DIPK2B: variants seen among roughly 807,000 people sequenced by gnomAD.
DIPK2B encodes the protein divergent protein kinase domain 2B.
A neutral mutation model predicts 22.2 loss-of-function variants in DIPK2B; 15 were observed. The observed-to-expected ratio is 0.68, with a 90% CI of 0.45 to 1.04. The LOEUF (loss-of-function observed/expected upper bound fraction) is 1.04. Among genes scored for constraint, DIPK2B ranks in the 50% least tolerant of loss-of-function variants. The probability of loss-of-function intolerance (pLI) is 0.00; values close to 1 mark genes in which losing one functional copy is unlikely to be tolerated. For missense variants in DIPK2B, 345 were observed against 348.3 expected (o/e 0.99, Z 0.08); for synonymous variants, 163 against 153.2 (o/e 1.06, Z -0.47).
At chrX:45,161,324 T>C (rs1342918751) in intron 2 of DIPK2B, among the ~76,000 whole-genome samples, 1 of 112,431 alleles carries the variant, frequency 8.9e-6, no homozygotes, top group Admixed American at 9.4e-5. Flanking sequence ...GGCAGATCCC[T>C]TGAGTACAGG....
intron 4 of DIPK2B, 66 bp from the exon 5 acceptor site, chrX:45,152,058 A>C (rs1247608728): frequency 1.6e-5 from 16 of 1,023,842 alleles, no homozygotes; most frequent in Non-Finnish European, 2.0e-5. Context: ...GGCACCACTA[A>C]TTAGAATTCC....
At position 45,187,227 on chromosome X, in the gene DIPK2B, C is replaced by G. The variant is rs899904814; in HGVS notation, c.498+4524G>C. Among the ~76,000 whole-genome samples the G allele has an allele frequency of 2.7e-5, 3 of 111,765 alleles. No individual in the cohort carries two copies. In the Admixed American group the frequency reaches 2.8e-4, roughly 11 times the overall value. ...AGGATATGTGTTTTCCCCTGATTAG[C>G]CTCCAGCTGCCTAGGGTGGTTGCCT... On this transcript the variant is annotated intron_variant, in intron 2 of 4. Coordinates refer to ENST00000398000, the MANE Select transcript of DIPK2B (RefSeq NM_176819.4).
At chrX:45,200,147 A>G (rs1373603394) in intron 1 of DIPK2B, among the ~76,000 whole-genome samples, 1 of 111,865 alleles carries the variant, frequency 8.9e-6, no homozygotes, top group Non-Finnish European at 1.9e-5. Context: ...CCATCATCTC[A>G]CAGAGTTACC....
chrX:45,168,446 G>T (rs1013331993), intron 2 of DIPK2B, among the ~76,000 whole-genome samples: 1 of 112,520 alleles, frequency 8.9e-6, no homozygotes, highest in Non-Finnish European at 1.9e-5. Context: ...GATATGAAAT[G>T]TTTTCCTTGC....
chrX:45,174,860 A>T (rs1001181733), intron 2 of DIPK2B, among the ~76,000 whole-genome samples: 1 of 111,671 alleles, frequency 9.0e-6, no homozygotes, highest in African/African-American at 3.3e-5. Flanking sequence ...ATCTCTTTGG[A>T]GGGAGTTAAA....
intron 2 of DIPK2B, chrX:45,162,440 T>C: frequency 1.3e-6 from 1 of 753,806 alleles, no homozygotes. Context: ...TACTAACCCC[T>C]CCCTTTATGA....
chrX:45,167,671 G>A (rs745676941), intron 2 of DIPK2B, among the ~76,000 whole-genome samples: 6 of 110,105 alleles, frequency 5.4e-5, no homozygotes, highest in South Asian at 7.8e-4. Context: ...GTGTCTGGCC[G>A]CCAGAGTGAT....
At chrX:45,192,668 G>A (rs142119537) in intron 1 of DIPK2B, among the ~76,000 whole-genome samples, 1,934 of 112,047 alleles carry the variant, frequency 0.017, 43 homozygotes, top group African/African-American at 0.06. Context: ...TCAGGCAAGA[G>A]TGACTACTAA....
chrX:45,180,546 A>G (rs1439082076), intron 2 of DIPK2B, among the ~76,000 whole-genome samples: 1 of 112,503 alleles, frequency 8.9e-6, no homozygotes, highest in Non-Finnish European at 1.9e-5. Flanking sequence ...AAAAAAGAAA[A>G]CTACAATTAT....
intron 2 of DIPK2B, among the ~76,000 whole-genome samples, chrX:45,174,159 G>A (rs755674809): frequency 4.5e-5 from 5 of 111,537 alleles, no homozygotes; most frequent in Non-Finnish European, 7.5e-5. Flanking sequence ...GGTCCTTCGG[G>A]ACCATTGCAG....
chrX:45,186,199 A>T (rs1304653412), intron 2 of DIPK2B, among the ~76,000 whole-genome samples: 1 of 111,997 alleles, frequency 8.9e-6, no homozygotes, highest in East Asian at 2.8e-4. Flanking sequence ...AACTCTGAAC[A>T]TTTCCAATTC....
intron 2 of DIPK2B, among the ~76,000 whole-genome samples, chrX:45,186,734 T>C (rs1326684473): frequency 8.9e-6 from 1 of 112,207 alleles, no homozygotes; most frequent in Non-Finnish European, 1.9e-5. Flanking sequence ...TAAAACACTT[T>C]ATCACAGGGT....
At chrX:45,185,177 C>T (rs2047175549) in intron 2 of DIPK2B, among the ~76,000 whole-genome samples, 2 of 111,679 alleles carry the variant, frequency 1.8e-5, no homozygotes, top group Non-Finnish European at 3.8e-5. Flanking sequence ...TAGATAAATA[C>T]TATATATTAT....
At chrX:45,162,045 C>T (rs1316027750) in intron 2 of DIPK2B, among the ~76,000 whole-genome samples, 5 of 111,229 alleles carry the variant, frequency 4.5e-5, no homozygotes, top group Non-Finnish European at 9.4e-5. Flanking sequence ...TGGATGCTTG[C>T]TTTTGTACCT....
At chrX:45,179,590 A>T (rs2148344740) in intron 2 of DIPK2B, among the ~76,000 whole-genome samples, 1 of 111,969 alleles carries the variant, frequency 8.9e-6, no homozygotes, top group African/African-American at 3.2e-5. Flanking sequence ...TTAAATAGAC[A>T]TTCTAGAAAT....
rs1569544043 is a variant in DIPK2B, at chrX:45,150,416, A to C, written c.*1236T>G. ...TATGTTCTATTGGTTGACCTTGAAA[A>C]AAGTATTTTTCTGATGAGTGACCTG... On this transcript the variant is annotated 3_prime_UTR_variant, in exon 5 of 5. Transcript: ENST00000398000. The C allele has an allele frequency of 8.9e-6, 1 of 112,115 alleles. No homozygotes were observed. Among genetic ancestry groups the C allele is most frequent in the Non-Finnish European group, 1.9e-5 (1 of 53,231 alleles). The allele number at this position is 112,115 out of a possible 1,213,427, so 9.2% of individuals were successfully genotyped here. A position where few individuals can be genotyped will look rare whatever the true frequency, so the allele number is the denominator to read the frequency against.
chrX:45,192,835 A>G (rs957746714), intron 1 of DIPK2B, among the ~76,000 whole-genome samples: 1 of 111,816 alleles, frequency 8.9e-6, no homozygotes, highest in African/African-American at 3.3e-5. Flanking sequence ...CTGGAGTGCT[A>G]TGGCTCAATC....
chrX:45,172,758 GGT>G (rs1217749552), intron 2 of DIPK2B, among the ~76,000 whole-genome samples: 1 of 111,827 alleles, frequency 8.9e-6, no homozygotes, highest in Non-Finnish European at 1.9e-5. Flanking sequence ...TTTCGATTCA[GGT>G]GTGCTAAAGC....
At chrX:45,176,534 A>G (rs1336780026) in intron 2 of DIPK2B, among the ~76,000 whole-genome samples, 1 of 112,050 alleles carries the variant, frequency 8.9e-6, no homozygotes, top group Non-Finnish European at 1.9e-5. Context: ...TAAAAACATG[A>G]TGGTATGAAG....
Sources: gnomAD v4.1 joint callset for allele counts (sites outside exome capture counted in the v4.1 genomes callset) on GRCh38, gnomAD v4.1.1 for gene constraint, MANE v1.5 for transcripts, NCBI Gene and HGNC (gene_info 2026-07-23, HGNC 2026-07-21) for gene names.